Variants in CPA1 observed in about 807,000 individuals in gnomAD.
CPA1 encodes the protein carboxypeptidase A1.
Under a neutral mutation model 48.7 loss-of-function variants are expected in CPA1, and 42 were observed. The observed-to-expected ratio is 0.86, with a 90% CI of 0.67 to 1.11. CPA1 has a LOEUF of 1.11. Ranked by LOEUF, CPA1 falls within the 50% of genes most tolerant of loss-of-function variation. CPA1 has a pLI of 0.00. For missense variants in CPA1, 477 were observed against 544.7 expected (o/e 0.88, Z 1.24); for synonymous variants, 203 against 217.9 (o/e 0.93, Z 0.60).
In CPA1 at chr7:130,381,825, G is replaced by T. The variant is rs782573440; in HGVS notation, c.343G>T (p.Asp115Tyr). 6.2e-7 allele frequency: 1 copy of T among 1,613,930 alleles called. No individual in the cohort carries two copies. The highest frequency in any genetic ancestry group is 1.3e-5 in the African/African-American group (1 of 74,946). The change falls in exon 3 of 10, where the codon GAC (aspartate) becomes TAC (tyrosine). Residue 115 changes from aspartate (D) to tyrosine (Y), a missense_variant. Asp to Tyr is a radical substitution (Grantham distance 160). Transcript: ENST00000011292. Reference sequence around the variant, plus strand: ...CTTCCGGTCCCGGGCGCGCTCCACCGACACTTTTAACTACGCCACCTACCA... The same window carrying T: ...CTTCCGGTCCCGGGCGCGCTCCACCTACACTTTTAACTACGCCACCTACCA... ...FAFRSRARST[D>Y]TFNYATYHTL...
chr7:130,383,491 A>C lies in CPA1; in HGVS notation c.584A>C (p.Lys195Thr). 1 of 1,613,546 alleles carries C rather than the reference A, an allele frequency of 6.2e-7. No individual in the cohort carries two copies. ...GCCAGTGGGGTCTGGTTTGCAAAGAAGGTAAGGCCGGGGAGGTGAGGAGGG... is the reference window on the plus strand; with the variant it reads ...GCCAGTGGGGTCTGGTTTGCAAAGACGGTAAGGCCGGGGAGGTGAGGAGGG... ...TQASGVWFAK[K>T]ITQDYGQDAA... Residue 195 changes from lysine (K) to threonine (T), a missense_variant and splice_region_variant, in exon 5 of 10, where the codon AAG becomes ACG. Coordinates refer to ENST00000011292, the MANE Select transcript of CPA1 (RefSeq NM_001868.4).
rs7457437 is a variant in CPA1, at chr7:130,381,808, C to A, written c.326C>A (p.Ser109Tyr). Residue 109 changes from serine (S) to tyrosine (Y), a missense_variant, in exon 3 of 10, where the codon TCC becomes TAC. By Grantham distance (144) the Ser-to-Tyr change is moderately radical. Transcript: ENST00000011292. The stretch of plus-strand genomic sequence containing the variant: ...CAGGAGCAGATGTTCGCCTTCCGGT[C>A]CCGGGCGCGCTCCACCGACACTTTT... Reference protein sequence around the residue: ...EEQEQMFAFRSRARSTDTFNY... With the variant: ...EEQEQMFAFRYRARSTDTFNY... The A allele has an allele frequency of 6.2e-7, 1 of 1,614,138 alleles. No homozygotes were observed. Among genetic ancestry groups the A allele is most frequent in the South Asian group, 1.1e-5 (1 of 91,082 alleles).
At chr7:130,384,713 C>T in intron 7 of CPA1, 87 bp downstream of exon 7, 4 of 1,155,160 alleles carry the variant, frequency 3.5e-6, no homozygotes, top group Non-Finnish European at 3.9e-6. Context: ...TCTCTCCTGC[C>T]CCTGCAGTGA....
intron 4 of CPA1, among the ~76,000 whole-genome samples, 179 bp downstream of exon 4, chr7:130,382,388 C>T (rs1212904730): frequency 6.6e-6 from 1 of 152,160 alleles, no homozygotes; most frequent in Non-Finnish European, 1.5e-5. Context: ...GCACTCCTGC[C>T]CATACACAAA....
chr7:130,385,192 G>A lies in CPA1; in HGVS notation c.834G>A (p.Lys278=), dbSNP rs201936657. The A allele has an allele frequency of 1.1e-4, 181 of 1,614,122 alleles. 1 individual carries two copies. The highest frequency in any genetic ancestry group is 1.5e-4 in the Non-Finnish European group (174 of 1,180,056). Residue 278 remains lysine (K), a synonymous_variant, in exon 8 of 10, where the codon AAG becomes AAA. Coordinates refer to ENST00000011292, the MANE Select transcript of CPA1 (RefSeq NM_001868.4). ...SNPCSETYHG[K]FANSEVEVKS... ...CCTGCTCGGAGACTTACCACGGCAA[G>A]TTTGCCAATTCCGAAGTGGAGGTCA...
chr7:130,382,585 T>C (rs1796420579), intron 4 of CPA1, among the ~76,000 whole-genome samples: 1 of 149,516 alleles, frequency 6.7e-6, no homozygotes, highest in African/African-American at 2.5e-5. Flanking sequence ...TGCCTCAGCC[T>C]CCCGAGTAGC....
In CPA1 at chr7:130,387,712, C is replaced by T; in HGVS notation, c.1073-112C>T. On this transcript the variant is annotated intron_variant, in intron 9 of 9. Coordinates refer to ENST00000011292, the MANE Select transcript of CPA1 (RefSeq NM_001868.4). This position sits in a 1 kb window ranked among gnomAD's most constrained non-coding sequence, Gnocchi z 4.6. Reference sequence around the variant, plus strand: ...CAGACCTTAGTAGACACTGACTCCACTCAGCATTGCACAAGGCACAGAGCT... The same window carrying T: ...CAGACCTTAGTAGACACTGACTCCATTCAGCATTGCACAAGGCACAGAGCT... The T allele has an allele frequency of 1.0e-6, 1 of 962,608 alleles. No homozygotes were observed. Among genetic ancestry groups the T allele is most frequent in the Non-Finnish European group, 1.6e-6 (1 of 627,416 alleles). The allele number at this position is 962,608 out of a possible 1,614,324, so 59.6% of individuals were successfully genotyped here.
chr7:130,383,115 G>C (rs1420227978), intron 4 of CPA1, among the ~76,000 whole-genome samples: 2 of 152,234 alleles, frequency 1.3e-5, no homozygotes, highest in Non-Finnish European at 2.9e-5. Context: ...GTCCCCCAGA[G>C]AACTGTCCGA....
intron 7 of CPA1, chr7:130,384,943 C>T (rs374411015): frequency 3.2e-6 from 2 of 621,718 alleles, no homozygotes; most frequent in African/African-American, 3.7e-5. Flanking sequence ...TCTTCCCTCC[C>T]TGGGTGTGTC....
rs1166219581 is a variant in CPA1, at chr7:130,387,504, T to TATACC, written c.1073-318_1073-317insACCAT. Among the ~76,000 whole-genome samples, 2 of 152,158 alleles carry TATACC rather than the reference T, an allele frequency of 1.3e-5. No individual in the cohort carries two copies. The highest frequency in any genetic ancestry group is 4.8e-5 in the African/African-American group (2 of 41,442). Reference sequence around the variant, plus strand: ...GGTTACCCAAGCAGGGAACTCGGTATATTTAGGGGCTTCACCGAAAGGGCT... The same window carrying TATACC: ...GGTTACCCAAGCAGGGAACTCGGTATATACCATTTAGGGGCTTCACCGAAAGGGCT... On this transcript the variant is annotated intron_variant, in intron 9 of 9. Coordinates refer to ENST00000011292, the MANE Select transcript of CPA1 (RefSeq NM_001868.4). This position sits in a 1 kb window ranked among gnomAD's most constrained non-coding sequence, Gnocchi z 4.6.
rs782736982 is a variant in CPA1 at position 130,381,050 on chromosome 7, A to G, written c.66-48A>G. 1.6e-5 allele frequency: 24 copies of G among 1,500,710 alleles called. 1 individual carries two copies. In the South Asian group the frequency reaches 2.1e-4, roughly 13 times the overall value. The allele number at this position is 1,500,710 out of a possible 1,614,324, so 93.0% of individuals were successfully genotyped here. A position where few individuals can be genotyped will look rare whatever the true frequency, so the allele number is the denominator to read the frequency against. ...CTGCACCTGGGGAGTGCTTGTGGCC[A>G]GGGCAGGTGCAGCTTGGGTGCTCAC... is the stretch of plus-strand genomic sequence containing the variant. On this transcript the variant is annotated intron_variant, in intron 1 of 9. Coordinates refer to ENST00000011292, the MANE Select transcript of CPA1 (RefSeq NM_001868.4).
At position 130,383,458 on chromosome 7, in the gene CPA1, T is replaced by A; in HGVS notation, c.551T>A (p.Val184Asp). The change falls in exon 5 of 10, where the codon GTC (valine) becomes GAC (aspartate). Residue 184 changes from valine (V) to aspartate (D), a missense_variant. Physicochemically the swap from Val to Asp is radical, Grantham distance 152. Coordinates refer to ENST00000011292, the MANE Select transcript of CPA1 (RefSeq NM_001868.4). ...IDTGIHSREWVTQASGVWFAK... is the reference protein window; with the variant it reads ...IDTGIHSREWDTQASGVWFAK... Reference sequence around the variant, plus strand: ...ACGGGCATCCATTCCCGGGAGTGGGTCACCCAGGCCAGTGGGGTCTGGTTT... The same window carrying A: ...ACGGGCATCCATTCCCGGGAGTGGGACACCCAGGCCAGTGGGGTCTGGTTT... The A allele has an allele frequency of 6.2e-7, 1 of 1,614,166 alleles. No individual in the cohort carries two copies. Among genetic ancestry groups the A allele is most frequent in the Non-Finnish European group, 8.5e-7 (1 of 1,180,032 alleles).
intron 8 of CPA1, 122 bp downstream of exon 8, chr7:130,385,467 C>G: frequency 1.1e-6 from 1 of 906,970 alleles, no homozygotes; most frequent in South Asian, 1.5e-5. Context: ...CCTTCCTTCC[C>G]TGATGGCTTG....
rs572734674 is a variant in CPA1, at chr7:130,384,765, G to T, written c.787+139G>T. 2.6e-5 allele frequency: 18 copies of T among 700,582 alleles called. 1 individual carries two copies. Among genetic ancestry groups the T allele is most frequent in the African/African-American group, 1.2e-4 (7 of 56,374 alleles). 43.4% of individuals were successfully genotyped at this position (700,582 alleles called of 1,614,324 possible). On this transcript the variant is annotated intron_variant, in intron 7 of 9. Transcript: ENST00000011292. ...GGCAGCTCTGCCTCTGAGGGCTCTTGGGGATGGAGGCTGTGCTCTGAGAGT... is the reference window on the plus strand; with the variant it reads ...GGCAGCTCTGCCTCTGAGGGCTCTTTGGGATGGAGGCTGTGCTCTGAGAGT...
In CPA1 at chr7:130,381,255, TG is replaced by T. The variant is rs1584850304; in HGVS notation, c.147+77del. Reference sequence around the variant, plus strand: ...CCACCCCAGGTCCCCAGCGGCCAACTGTGCCTGGGCTGTCTCCACCCAACAA... The same window carrying T: ...CCACCCCAGGTCCCCAGCGGCCAACTTGCCTGGGCTGTCTCCACCCAACAA... On this transcript the variant is annotated intron_variant, in intron 2 of 9. Coordinates refer to ENST00000011292, the MANE Select transcript of CPA1 (RefSeq NM_001868.4). 5 of 1,047,290 alleles carry T rather than the reference TG, an allele frequency of 4.8e-6. No homozygotes were observed. In the East Asian group the frequency reaches 1.3e-4, roughly 27 times the overall value. 64.9% of individuals were successfully genotyped at this position (1,047,290 alleles called of 1,614,324 possible).
chr7:130,380,694 G>T, intron 1 of CPA1, 109 bp downstream of exon 1: 1 of 649,294 alleles, frequency 1.5e-6, no homozygotes, highest in Non-Finnish European at 2.4e-6. Flanking sequence ...AGCCAGAGAG[G>T]ATGGCCTGGC....
chr7:130,382,023 C>A, intron 3 of CPA1, 85 bp from the exon 4 acceptor site: 2 of 1,270,830 alleles, frequency 1.6e-6, no homozygotes, highest in South Asian at 1.3e-5. Context: ...GGGCTCGCAG[C>A]AGGCTGGGAC....
rs782257247 is a variant in CPA1, at chr7:130,388,009, T to C, written c.1258T>C (p.Ter420ArgextTer22). 1.2e-6 allele frequency: 2 copies of C among 1,613,824 alleles called. No individual in the cohort carries two copies. The highest frequency in any genetic ancestry group is 1.7e-5 in the Admixed American group (1 of 59,984). The stretch of plus-strand genomic sequence containing the variant: ...GGAGCACACCCTGAATCACCCCTAC[T>C]GAGCTGACCCTTTGACACCCTTCTT... ...IMEHTLNHPY[*>R] Residue 420 changes from the stop codon to arginine (R), a stop_lost, in exon 10 of 10, where the codon TGA (stop) becomes CGA (arginine). Transcript: ENST00000011292.
In CPA1 at chr7:130,383,810, T is replaced by G; in HGVS notation, c.696+16T>G. On this transcript the variant is annotated intron_variant, in intron 6 of 9. Coordinates refer to ENST00000011292, the MANE Select transcript of CPA1 (RefSeq NM_001868.4). ...GCACAGCACGGTACCGGCCTTCTCC[T>G]GTCCTTGGGGGAAGCAGGATGGGCC... 6 of 1,565,636 alleles carry G rather than the reference T, an allele frequency of 3.8e-6. No homozygotes were observed. The highest frequency in any genetic ancestry group is 5.3e-6 in the Non-Finnish European group (6 of 1,137,864).
Sources: allele counts gnomAD v4.1 joint callset (sites outside exome capture counted in the v4.1 genomes callset), GRCh38; gene constraint gnomAD v4.1.1; non-coding constraint Gnocchi (gnomAD v3.1); transcripts MANE v1.5; gene names NCBI Gene and HGNC (gene_info 2026-07-23, HGNC 2026-07-21).